MNS1: variants seen among roughly 807,000 people sequenced by gnomAD.
MNS1 encodes meiosis specific nuclear structural 1, also known as meiosis-specific nuclear structural protein 1.
A neutral mutation model predicts 72.0 loss-of-function variants in MNS1; 63 were observed. The observed-to-expected ratio is 0.87, with a 90% CI of 0.71 to 1.08. The LOEUF (loss-of-function observed/expected upper bound fraction) is 1.08. Among genes scored for constraint, MNS1 ranks in the 50% least tolerant of loss-of-function variants. The pLI is 0.00. For missense variants in MNS1, 604 were observed against 562.4 expected (o/e 1.07, Z -0.75); for synonymous variants, 188 against 172.1 (o/e 1.09, Z -0.72).
intron 3 of MNS1, among the ~76,000 whole-genome samples, chr15:56,449,041 C>G (rs1225569045): frequency 6.6e-6 from 1 of 152,156 alleles, no homozygotes; most frequent in African/African-American, 2.4e-5. Context: ...AGGCATGAGC[C>G]ACCACACCCG....
chr15:56,453,966 G>T (rs1433245636), intron 3 of MNS1, among the ~76,000 whole-genome samples: 2 of 152,086 alleles, frequency 1.3e-5, no homozygotes, highest in African/African-American at 2.4e-5. Context: ...AAGCACCAGA[G>T]CAGTTCCCTG....
intron 3 of MNS1, among the ~76,000 whole-genome samples, chr15:56,448,749 TTC>T (rs2050926181): frequency 6.8e-6 from 1 of 146,612 alleles, no homozygotes; most frequent in South Asian, 2.2e-4. Flanking sequence ...TATTTTTAGA[TTC>T]TTTTTTTTTT....
At chr15:56,453,811 C>A (rs1440900779) in intron 3 of MNS1, among the ~76,000 whole-genome samples, 1 of 152,078 alleles carries the variant, frequency 6.6e-6, no homozygotes, top group African/African-American at 2.4e-5. Flanking sequence ...TAACAGGAGT[C>A]ATGATTTCTG....
At chr15:56,433,430 AAAAT>A (rs1366394480) in intron 8 of MNS1, among the ~76,000 whole-genome samples, 4 of 139,258 alleles carry the variant, frequency 2.9e-5, no homozygotes, top group Admixed American at 7.3e-5. Flanking sequence ...AAATATTAAA[AAAAT>A]AATTAAAAAG....
chr15:56,447,595 T>C (rs1195438034), intron 3 of MNS1: 1 of 152,212 alleles, frequency 6.6e-6, no homozygotes, highest in African/African-American at 2.4e-5. Context: ...ATACAATTAA[T>C]GTTTATATAC....
Position 56,443,515 on chromosome 15 carries a change from A to C in MNS1, c.926T>G (p.Met309Arg). 6.3e-7 allele frequency: 1 copy of C among 1,594,974 alleles called. No homozygotes were observed. The change falls in exon 7 of 10, where the codon ATG becomes AGG. Residue 309 changes from methionine to arginine, a missense_variant. Transcript: ENST00000260453. The stretch of plus-strand genomic sequence containing the variant: ...TTCCAAATCTTCACGTTGCCGCAGC[A>C]TTTCTTCTAATTTCTGTGTCAACTA... ...QNALTQKLEEMLRQREDLEQV... is the reference protein window; with the variant it reads ...QNALTQKLEERLRQREDLEQV...
intron 7 of MNS1, among the ~76,000 whole-genome samples, chr15:56,435,106 A>C (rs1170538172): frequency 6.6e-6 from 1 of 152,118 alleles, no homozygotes; most frequent in Non-Finnish European, 1.5e-5. Context: ...GTAGTTAATA[A>C]AAGTGAGACA....
In MNS1 at chr15:56,449,050, C is replaced by T. The variant is rs562067995; in HGVS notation, c.354-2107G>A. Among the ~76,000 whole-genome samples, 8 of 152,176 alleles carry T rather than the reference C, an allele frequency of 5.3e-5. No homozygotes were observed. The East Asian group carries it at 5.8e-4, about 11-fold the overall frequency. On this transcript the variant is annotated intron_variant, in intron 3 of 9. Transcript: ENST00000260453. ...GATTAGAGGCATGAGCCACCACACC[C>T]GGCTATTTGTAGATGCTTTTGGATG...
Position 56,464,006 on chromosome 15 carries a change from C to G in MNS1, c.225+20G>C. 1 of 1,575,492 alleles carries G rather than the reference C, an allele frequency of 6.3e-7. No individual in the cohort carries two copies. Among genetic ancestry groups the G allele is most frequent in the Admixed American group, 1.8e-5 (1 of 54,604 alleles). ...AGGTGCAAAATGAAAAAAAAAGTAA[C>G]AATGAATAGTAAAACTTACCTTTTG... On this transcript the variant is annotated intron_variant, in intron 2 of 9. Transcript: ENST00000260453.
At chr15:56,447,036 CAA>C (rs75441720) in intron 3 of MNS1, 93 bp from the exon 4 acceptor site, 50,611 of 819,696 alleles carry the variant, frequency 0.062, 5,224 homozygotes, top group East Asian at 0.4. Context: ...TTAATTTACT[CAA>C]AGAGGGAATA....
intron 2 of MNS1, among the ~76,000 whole-genome samples, chr15:56,462,010 T>G (rs2051026276): frequency 1.9e-4 from 17 of 87,784 alleles, no homozygotes; most frequent in Non-Finnish European, 3.1e-4. Context: ...TTTTTTTTTT[T>G]GTGGGGTGGG....
At chr15:56,463,819 C>T (rs1596270531) in intron 2 of MNS1, 4 of 516,398 alleles carry the variant, frequency 7.7e-6, no homozygotes, top group South Asian at 3.2e-5. Context: ...CTCAAGGGTC[C>T]GTAGCTAAGG....
chr15:56,463,094 A>G (rs1380945227), intron 2 of MNS1, among the ~76,000 whole-genome samples: 2 of 152,218 alleles, frequency 1.3e-5, no homozygotes, highest in Admixed American at 6.5e-5. Flanking sequence ...AACTACTGAC[A>G]TATCAGAATA....
At chr15:56,456,064 G>A (rs1596267685) in intron 3 of MNS1, among the ~76,000 whole-genome samples, 1 of 152,112 alleles carries the variant, frequency 6.6e-6, no homozygotes, top group African/African-American at 2.4e-5. Flanking sequence ...GGAAATTTAT[G>A]TAGAGGTATA....
Position 56,456,502 on chromosome 15 carries a change from A to C in MNS1, c.245T>G (p.Leu82Trp), listed in dbSNP as rs780624827. ...AIQKAEENKR[L>W]KELQLKQEEK... ...TTCTTGTTTGAGCTGGAGTTCTTTC[A>C]ATCTCTTGTTTTCTTCTGCCTGAAC... Residue 82 changes from leucine to tryptophan, a missense_variant, in exon 3 of 10, where the codon TTG (leucine) becomes TGG (tryptophan). Coordinates refer to ENST00000260453, the MANE Select transcript of MNS1 (RefSeq NM_018365.4). 2 of 1,610,534 alleles carry C rather than the reference A, an allele frequency of 1.2e-6. No individual in the cohort carries two copies. The highest frequency in any genetic ancestry group is 3.4e-5 in the Admixed American group (2 of 59,404).
intron 1 of MNS1, 80 bp from the exon 2 acceptor site, chr15:56,464,327 G>A: frequency 9.7e-7 from 1 of 1,034,732 alleles, no homozygotes; most frequent in South Asian, 1.6e-5. Flanking sequence ...ATAAACCTTA[G>A]TAAGAAAGGA....
chr15:56,460,009 A>AAAATATATATATATATAT, intron 2 of MNS1, among the ~76,000 whole-genome samples: 1 of 26,406 alleles, frequency 3.8e-5, no homozygotes, highest in African/African-American at 1.5e-4. Flanking sequence ...AAAAAAAAAA[A>AAAATATATATATATATAT]ATACATATAT....
intron 2 of MNS1, among the ~76,000 whole-genome samples, chr15:56,457,672 G>T (rs190864954): frequency 1.3e-5 from 2 of 152,044 alleles, no homozygotes; most frequent in Non-Finnish European, 2.9e-5. Flanking sequence ...AAATTAGCCA[G>T]GTGTGGTGGC....
chr15:56,457,900 T>A lies in MNS1; in HGVS notation c.226-1379A>T, dbSNP rs534338045. Among the ~76,000 whole-genome samples the A allele has an allele frequency of 1.7e-3, 248 of 148,240 alleles. 1 individual carries two copies. The highest frequency in any genetic ancestry group is 5.8e-3 in the African/African-American group (238 of 40,914). The stretch of plus-strand genomic sequence containing the variant: ...TTTATCCCAGGGAAATGAAAACTTT[T>A]TATTTAAAAACCTGTATACAAATGT... On this transcript the variant is annotated intron_variant, in intron 2 of 9. Transcript: ENST00000260453.
Sources: gnomAD v4.1 joint callset for allele counts (sites outside exome capture counted in the v4.1 genomes callset) on GRCh38, gnomAD v4.1.1 for gene constraint, MANE v1.5 for transcripts, NCBI Gene and HGNC (gene_info 2026-07-23, HGNC 2026-07-21) for gene names.